Variants in TSEN2 observed in about 807,000 individuals in gnomAD.
TSEN2 encodes the protein tRNA-splicing endonuclease subunit Sen2.
TSEN2 carries 54 observed loss-of-function variants against 59.2 expected under a neutral mutation model. The observed-to-expected ratio is 0.91, with a 90% CI of 0.73 to 1.14. The LOEUF (loss-of-function observed/expected upper bound fraction) is 1.14, where lower values mean the gene tolerates loss of function less well. Among genes scored for constraint, TSEN2 ranks in the 50% most tolerant of loss-of-function variants. The probability of loss-of-function intolerance (pLI) is 0.00; values close to 1 mark genes in which losing one functional copy is unlikely to be tolerated. For missense variants in TSEN2, 636 were observed against 576.2 expected (o/e 1.10, Z -1.06); for synonymous variants, 195 against 198.2 (o/e 0.98, Z 0.14).
At chr3:12,502,300 C>T (rs1575299503) in intron 4 of TSEN2, among the ~76,000 whole-genome samples, 1 of 152,144 alleles carries the variant, frequency 6.6e-6, no homozygotes, top group African/African-American at 2.4e-5. Flanking sequence ...AATCCCAGCA[C>T]TTTGGGAGGC....
chr3:12,491,750 C>T (rs1046077971), intron 2 of TSEN2, among the ~76,000 whole-genome samples: 17 of 152,214 alleles, frequency 1.1e-4, no homozygotes, highest in Non-Finnish European at 2.2e-4. Context: ...TGGGTACAGT[C>T]GGCCCTCCAT....
chr3:12,511,651 C>T (rs926211864), intron 6 of TSEN2, among the ~76,000 whole-genome samples: 3 of 151,148 alleles, frequency 2.0e-5, no homozygotes, highest in African/African-American at 4.9e-5. Context: ...ACTGCAGCCT[C>T]AGTCTCCTGA....
chr3:12,533,805 T>C (rs571117039), downstream of TSEN2: 98 of 152,240 alleles, frequency 6.4e-4, no homozygotes, highest in African/African-American at 2.1e-3. Flanking sequence ...TTGAATGATA[T>C]TGCTGCAAAC....
chr3:12,532,301 C>A (rs887262079), intron 11 of TSEN2, among the ~76,000 whole-genome samples: 6 of 152,176 alleles, frequency 3.9e-5, no homozygotes, highest in Non-Finnish European at 7.3e-5. Flanking sequence ...AAATGCTCAT[C>A]AACCTCATTT....
chr3:12,485,455 G>C (rs1655395145), intron 1 of TSEN2, among the ~76,000 whole-genome samples: 1 of 152,142 alleles, frequency 6.6e-6, no homozygotes, highest in Non-Finnish European at 1.5e-5. Context: ...GGGTGCGCCC[G>C]GCCCCTCCGA....
chr3:12,507,216 A>G (rs901894817), intron 6 of TSEN2, among the ~76,000 whole-genome samples: 2 of 152,128 alleles, frequency 1.3e-5, no homozygotes, highest in Admixed American at 1.3e-4. Context: ...AATAGAATAA[A>G]CAATTCAAAA....
chr3:12,485,441 T>A (rs2052512599), intron 1 of TSEN2, among the ~76,000 whole-genome samples: 1 of 152,164 alleles, frequency 6.6e-6, no homozygotes, highest in South Asian at 2.1e-4. Flanking sequence ...TAAAGATTTC[T>A]CAGGGGTGCG....
upstream of TSEN2, among the ~76,000 whole-genome samples, chr3:12,484,277 G>C (rs1398466567): frequency 6.6e-6 from 1 of 152,232 alleles, no homozygotes; most frequent in African/African-American, 2.4e-5. Flanking sequence ...TCTGGCTTCC[G>C]TACAATCCTG....
At chr3:12,510,122 C>T (rs942053067) in intron 6 of TSEN2, among the ~76,000 whole-genome samples, 3 of 152,188 alleles carry the variant, frequency 2.0e-5, no homozygotes, top group African/African-American at 7.2e-5. Context: ...TCTTGAAAAG[C>T]CACCATTGAA....
chr3:12,494,719 G>A (rs1421109905), intron 3 of TSEN2, among the ~76,000 whole-genome samples: 2 of 148,022 alleles, frequency 1.4e-5, no homozygotes, highest in Non-Finnish European at 3.0e-5. Context: ...TTAAATGGAA[G>A]GATAAAGCAT....
At chr3:12,508,096 T>C (rs1409042076) in intron 6 of TSEN2, among the ~76,000 whole-genome samples, 1 of 151,932 alleles carries the variant, frequency 6.6e-6, no homozygotes, top group Non-Finnish European at 1.5e-5. Flanking sequence ...CTAGCATCAG[T>C]ATGGAGGGTG....
chr3:12,488,937 A>G (rs765693045), intron 1 of TSEN2, among the ~76,000 whole-genome samples: 4 of 152,198 alleles, frequency 2.6e-5, no homozygotes, highest in Non-Finnish European at 5.9e-5. Context: ...TATTTGTAAA[A>G]TGGTGTTGCT....
At chr3:12,531,225 G>A in intron 10 of TSEN2, 1 of 259,232 alleles carries the variant, frequency 3.9e-6, no homozygotes, top group Admixed American at 4.9e-5. Flanking sequence ...ATTTGGGTGG[G>A]GGCACAGCCA....
At position 12,489,978 on chromosome 3, in the gene TSEN2, C is replaced by G. The variant is rs201262790; in HGVS notation, c.178C>G (p.Leu60Val). Residue 60 changes from leucine to valine, a missense_variant, in exon 2 of 12, where the codon CTC becomes GTC. Leu to Val is a conservative substitution (Grantham distance 32). Transcript: ENST00000284995. The part of the protein sequence containing the change: ...IVRNAEDIEQ[L>V]YGKGYFGKGI... ...GAGGAATGCGGAGGACATTGAGCAGCTCTATGGGAAAGTAAGTGCAGGCAG... is the reference window on the plus strand; with the variant it reads ...GAGGAATGCGGAGGACATTGAGCAGGTCTATGGGAAAGTAAGTGCAGGCAG... 1.2e-6 allele frequency: 2 copies of G among 1,614,126 alleles called. No homozygotes were observed. Among genetic ancestry groups the G allele is most frequent in the East Asian group, 4.5e-5 (2 of 44,878 alleles).
intron 10 of TSEN2, chr3:12,530,457 G>T (rs1035929472): frequency 1.0e-6 from 1 of 985,486 alleles, no homozygotes; most frequent in Non-Finnish European, 1.2e-6. Context: ...TATATCCTTC[G>T]TGTTGCCATC....
At chr3:12,534,791 G>A (rs369983248), downstream of TSEN2, among the ~76,000 whole-genome samples, 12 of 138,700 alleles carry the variant, frequency 8.7e-5, no homozygotes, top group African/African-American at 1.1e-4. Context: ...GCGACAGAGC[G>A]AGACTCTGTC....
intron 8 of TSEN2, among the ~76,000 whole-genome samples, chr3:12,520,519 G>T (rs1022509081): frequency 3.9e-5 from 6 of 152,118 alleles, no homozygotes; most frequent in African/African-American, 1.4e-4. Flanking sequence ...GCCAGGTGCG[G>T]TGGCTCACGC....
intron 6 of TSEN2, among the ~76,000 whole-genome samples, chr3:12,516,033 C>A (rs974162670): frequency 2.0e-5 from 3 of 151,962 alleles, no homozygotes; most frequent in Non-Finnish European, 4.4e-5. Flanking sequence ...TCATAAAAAT[C>A]TTTTATTTTT....
At chr3:12,530,601 G>A in intron 10 of TSEN2, 2 of 985,558 alleles carry the variant, frequency 2.0e-6, no homozygotes, top group Non-Finnish European at 2.4e-6. Context: ...TGCTGGAGGT[G>A]AGGTGGGGCT....
Sources: allele counts gnomAD v4.1 joint callset (sites outside exome capture counted in the v4.1 genomes callset), GRCh38; gene constraint gnomAD v4.1.1; transcripts MANE v1.5; gene names NCBI Gene and HGNC (gene_info 2026-07-23, HGNC 2026-07-21).